The following DKK2 variants were observed in gnomAD, a reference collection of about 807,000 sequenced individuals.
DKK2 encodes dickkopf Wnt signaling pathway inhibitor 2.
Under a neutral mutation model 28.1 loss-of-function variants are expected in DKK2, and 11 were observed. The observed-to-expected ratio is 0.39, with a 90% CI of 0.25 to 0.65. The LOEUF is 0.65. DKK2 is among the 30% of genes least tolerant of loss of function. The pLI is 0.47. For synonymous variants in DKK2, 135 were observed against 126.5 expected (o/e 1.07, Z -0.45); for missense variants, 326 against 335.5 (o/e 0.97, Z 0.22).
chr4:106,983,862 C>T (rs1398499678), intron 1 of DKK2, among the ~76,000 whole-genome samples: 1 of 152,154 alleles, frequency 6.6e-6, no homozygotes, highest in Non-Finnish European at 1.5e-5. Context: ...AAAAGATGAT[C>T]GACCTTATTA....
intron 1 of DKK2, among the ~76,000 whole-genome samples, chr4:106,957,547 C>T (rs879123977): frequency 3.8e-4 from 58 of 151,048 alleles, no homozygotes; most frequent in Admixed American, 1.3e-3. Context: ...ATGTGGCACA[C>T]ATACACCATG....
chr4:106,955,124 A>T (rs113777245), intron 1 of DKK2, among the ~76,000 whole-genome samples: 1,627 of 152,304 alleles, frequency 0.011, 29 homozygotes, highest in African/African-American at 0.037. Flanking sequence ...ATGTACTATA[A>T]TTTAATGTTA....
intron 1 of DKK2, among the ~76,000 whole-genome samples, chr4:106,960,338 C>T (rs1722668758): frequency 6.6e-6 from 1 of 152,054 alleles, no homozygotes; most frequent in Non-Finnish European, 1.5e-5. Context: ...CCAAATACCA[C>T]ACGTTCTCAC....
At chr4:106,964,334 G>A (rs1423647130) in intron 1 of DKK2, among the ~76,000 whole-genome samples, 14 of 152,094 alleles carry the variant, frequency 9.2e-5, no homozygotes, top group Admixed American at 9.2e-4. Context: ...AAAGTAGCAT[G>A]GTGTTTAACA....
At chr4:107,000,322 G>C (rs765823699) in intron 1 of DKK2, among the ~76,000 whole-genome samples, 3 of 152,052 alleles carry the variant, frequency 2.0e-5, no homozygotes, top group Non-Finnish European at 4.4e-5. Context: ...TCAACAATAT[G>C]GCACTTATTT....
intron 1 of DKK2, among the ~76,000 whole-genome samples, chr4:106,940,019 T>C (rs968986704): frequency 5.3e-5 from 8 of 152,132 alleles, no homozygotes; most frequent in Non-Finnish European, 8.8e-5. Flanking sequence ...GAAGAAAACC[T>C]AGGCAATACC....
chr4:107,010,062 G>GT (rs533002477), intron 1 of DKK2, among the ~76,000 whole-genome samples: 94 of 151,668 alleles, frequency 6.2e-4, no homozygotes, highest in Non-Finnish European at 6.8e-4. Context: ...TATATTAGCT[G>GT]TTTTTTACAC....
intron 1 of DKK2, among the ~76,000 whole-genome samples, chr4:107,027,729 A>C (rs1366149633): frequency 6.7e-6 from 1 of 149,990 alleles, no homozygotes; most frequent in African/African-American, 2.5e-5. Flanking sequence ...ACTAATATTG[A>C]CTTGCTTATG....
intron 1 of DKK2, among the ~76,000 whole-genome samples, chr4:107,003,952 C>T (rs1414128631): frequency 6.6e-6 from 1 of 152,018 alleles, no homozygotes; most frequent in East Asian, 1.9e-4. Context: ...ATTTATATTC[C>T]GTGTTTGTTT....
At chr4:107,032,909 T>C (rs1190188675) in intron 1 of DKK2, among the ~76,000 whole-genome samples, 2 of 151,094 alleles carry the variant, frequency 1.3e-5, no homozygotes, top group Admixed American at 6.6e-5. Flanking sequence ...TTCCCTGTAA[T>C]AGCCTTTCTA....
chr4:106,958,104 T>G (rs1438492039), intron 1 of DKK2, among the ~76,000 whole-genome samples: 1 of 150,472 alleles, frequency 6.6e-6, no homozygotes, highest in Non-Finnish European at 1.5e-5. Flanking sequence ...AAGAAATGAT[T>G]GATGGAATGA....
At chr4:107,002,239 AT>A (rs1723370431) in intron 1 of DKK2, among the ~76,000 whole-genome samples, 1 of 152,252 alleles carries the variant, frequency 6.6e-6, no homozygotes, top group African/African-American at 2.4e-5. Flanking sequence ...TTCATAGTGC[AT>A]GATAGGCAAA....
At chr4:107,011,658 T>C (rs946953785) in intron 1 of DKK2, among the ~76,000 whole-genome samples, 17 of 151,270 alleles carry the variant, frequency 1.1e-4, no homozygotes, top group African/African-American at 4.1e-4. Flanking sequence ...TCATGGACAT[T>C]CCTAAGGGAA....
intron 1 of DKK2, among the ~76,000 whole-genome samples, chr4:106,987,612 T>C (rs1436512523): frequency 6.6e-6 from 1 of 151,718 alleles, no homozygotes; most frequent in African/African-American, 2.4e-5. Context: ...GCAACTTCAG[T>C]AGACAGGCAT....
intron 1 of DKK2, among the ~76,000 whole-genome samples, chr4:106,965,685 G>A (rs1231662051): frequency 6.7e-5 from 10 of 148,854 alleles, no homozygotes; most frequent in Admixed American, 2.7e-4. Context: ...ATGCTGGTGC[G>A]CTGCACCCAC....
intron 1 of DKK2, among the ~76,000 whole-genome samples, chr4:106,985,108 C>G (rs1012331833): frequency 2.0e-5 from 3 of 150,538 alleles, no homozygotes; most frequent in African/African-American, 7.4e-5. Context: ...ACTAGGCAGG[C>G]TGAGGCAGGA....
rs372954052 is a variant in DKK2, at chr4:107,021,911, C to A, written c.222+13459G>T. The stretch of plus-strand genomic sequence containing the variant: ...ACCTACAAGTCAGCCTGACTGTCTG[C>A]CAAAAGAGCCAGTCTGTGAAGAATT... On this transcript the variant is annotated intron_variant, in intron 1 of 3. Coordinates refer to ENST00000285311, the MANE Select transcript of DKK2 (RefSeq NM_014421.3). Among the ~76,000 whole-genome samples, 10 of 152,082 alleles carry A rather than the reference C, an allele frequency of 6.6e-5. 1 individual carries two copies. Among genetic ancestry groups the A allele is most frequent in the Admixed American group, 5.9e-4 (9 of 15,254 alleles).
Position 106,938,734 on chromosome 4 carries a change from C to G in DKK2, c.223-12785G>C, listed in dbSNP as rs915066024. Among the ~76,000 whole-genome samples, 9 of 152,146 alleles carry G rather than the reference C, an allele frequency of 5.9e-5. 1 individual carries two copies. Among genetic ancestry groups the G allele is most frequent in the Admixed American group, 5.9e-4 (9 of 15,232 alleles). The stretch of plus-strand genomic sequence containing the variant: ...TCAACAAAATACTGGCAAAACGAAT[C>G]CAGCAGCACATCAAAAAGCTTATTC... On this transcript the variant is annotated intron_variant, in intron 1 of 3. Transcript: ENST00000285311.
chr4:107,033,956 C>T (rs550609590), intron 1 of DKK2, among the ~76,000 whole-genome samples: 1 of 152,168 alleles, frequency 6.6e-6, no homozygotes, highest in East Asian at 1.9e-4. Context: ...TTTGCCTGAA[C>T]GTATATGTAC....
Sources: allele counts gnomAD v4.1 joint callset (sites outside exome capture counted in the v4.1 genomes callset), GRCh38; gene constraint gnomAD v4.1.1; transcripts MANE v1.5; gene names NCBI Gene and HGNC (gene_info 2026-07-23, HGNC 2026-07-21).